Variants in LRIF1 observed in about 807,000 individuals in gnomAD.
LRIF1 encodes ligand dependent nuclear receptor interacting factor 1, also known as ligand-dependent nuclear receptor-interacting factor 1.
Under a neutral mutation model 52.7 loss-of-function variants are expected in LRIF1, and 32 were observed. The ratio of observed to expected loss-of-function variants is 0.61; its 90% confidence interval spans 0.46 to 0.82. The LOEUF is 0.82. Ranked by LOEUF, LRIF1 falls within the 40% of genes least tolerant of loss-of-function variation. The pLI, the probability that LRIF1 is intolerant of heterozygous loss-of-function variation, is 0.00. For missense variants in LRIF1, 887 were observed against 892.0 expected, an observed-to-expected ratio of 0.99 and a Z score of 0.07; for synonymous variants, 323 against 317.4, an observed-to-expected ratio of 1.02 and a Z score of -0.19.
chr1:110,951,420 G>T lies in LRIF1; in HGVS notation c.1464C>A (p.Ala488=), dbSNP rs755937608. ...AAATGACGGCTGTTACTTTTCTGGG[G>T]GCATTGTGTCCTGTACTAAATCCAA... ...FPVGFSTGHN[A]PRKVTAVIYA... is the part of the protein sequence containing the mutation. The change falls in exon 2 of 4, where the codon GCC becomes GCA. Residue 488 remains alanine (A), a synonymous_variant. Coordinates refer to ENST00000369763, the MANE Select transcript of LRIF1 (RefSeq NM_018372.4). The T allele has an allele frequency of 6.2e-7, 1 of 1,613,886 alleles. No homozygotes were observed. The highest frequency in any genetic ancestry group is 8.5e-7 in the Non-Finnish European group (1 of 1,179,988).
the LRIF1 span, among the ~76,000 whole-genome samples, chr1:110,928,604 T>C: frequency 2.0e-5 from 3 of 151,942 alleles, no homozygotes; most frequent in African/African-American, 7.2e-5. Context: ...ATAAGCGCTG[T>C]AGGAAAAAAT....
chr1:110,886,353 G>A, the LRIF1 span, among the ~76,000 whole-genome samples: 1 of 151,858 alleles, frequency 6.6e-6, no homozygotes, highest in Non-Finnish European at 1.5e-5. Context: ...CATGTTTCTT[G>A]TGCTTGGAGT....
At chr1:110,880,212 G>A in the LRIF1 span, 1 of 152,152 alleles carries the variant, frequency 6.6e-6, no homozygotes, top group Non-Finnish European at 1.5e-5. Context: ...CTAGATGGTA[G>A]TTGGAAGGGG....
At position 110,949,985 on chromosome 1, in the gene LRIF1, C is replaced by A; in HGVS notation, c.1735G>T (p.Asp579Tyr). The A allele has an allele frequency of 1.2e-6, 2 of 1,614,012 alleles. No individual in the cohort carries two copies. Among genetic ancestry groups the A allele is most frequent in the East Asian group, 4.5e-5 (2 of 44,880 alleles). Reference protein sequence around the residue: ...EFKKIFGLTKDLRVCLTRIPD... With the variant: ...EFKKIFGLTKYLRVCLTRIPD... ...ATTCGAGTAAGGCACACTCTCAAAT[C>A]CTTAGTAAGGCCAAATATCTTTTTA... The change falls in exon 3 of 4, where the codon GAT (aspartate) becomes TAT (tyrosine). Residue 579 changes from aspartate to tyrosine, a missense_variant. Asp to Tyr is a radical substitution (Grantham distance 160). Coordinates refer to ENST00000369763, the MANE Select transcript of LRIF1 (RefSeq NM_018372.4).
the LRIF1 span, chr1:110,941,630 GGTT>G: frequency 6.6e-6 from 1 of 151,980 alleles, no homozygotes; most frequent in Non-Finnish European, 1.5e-5. Context: ...GCTTAACTGT[GGTT>G]GTTATTCATT....
the LRIF1 span, among the ~76,000 whole-genome samples, chr1:110,895,354 A>G: frequency 9.2e-5 from 14 of 152,280 alleles, no homozygotes; most frequent in African/African-American, 3.4e-4. Context: ...ATTTTCCAAA[A>G]TTTTACTGAA....
chr1:110,912,469 C>T, the LRIF1 span, among the ~76,000 whole-genome samples: 1 of 152,160 alleles, frequency 6.6e-6, no homozygotes, highest in Non-Finnish European at 1.5e-5. Context: ...GCCTCAGCCT[C>T]CTGAAGGGCT....
the LRIF1 span, among the ~76,000 whole-genome samples, chr1:110,934,125 C>T: frequency 1.3e-5 from 2 of 152,166 alleles, no homozygotes; most frequent in African/African-American, 2.4e-5. Context: ...GGGAAGGACC[C>T]AGTCCTGGCA....
At chr1:110,905,445 C>T in the LRIF1 span, among the ~76,000 whole-genome samples, 386 of 152,106 alleles carry the variant, frequency 2.5e-3, 1 homozygote, top group African/African-American at 9.0e-3. Flanking sequence ...TAGCAGACTT[C>T]TCGGTGGAAA....
chr1:110,909,368 C>T, the LRIF1 span, among the ~76,000 whole-genome samples: 1 of 152,072 alleles, frequency 6.6e-6, no homozygotes, highest in African/African-American at 2.4e-5. Context: ...ATAAAATTCT[C>T]ACATATTAAT....
At chr1:110,944,541 T>C (rs910647377), downstream of LRIF1, 3 of 151,952 alleles carry the variant, frequency 2.0e-5, no homozygotes, top group Admixed American at 6.6e-5. Flanking sequence ...GTGGACTGAG[T>C]CCTCAGGTGT....
the LRIF1 span, among the ~76,000 whole-genome samples, chr1:110,895,597 C>G: frequency 6.6e-6 from 1 of 152,112 alleles, no homozygotes. Flanking sequence ...TATGAAAGCA[C>G]GCTGGCTTAG....
chr1:110,927,230 A>G, the LRIF1 span, among the ~76,000 whole-genome samples: 22 of 152,258 alleles, frequency 1.4e-4, 2 homozygotes, highest in African/African-American at 4.3e-4. Flanking sequence ...GAGGAGCAGA[A>G]TCACTAAAAT....
At position 110,948,000 on chromosome 1, in the gene LRIF1, C is replaced by T; in HGVS notation, c.2269G>A (p.Ala757Thr). Residue 757 changes from alanine (A) to threonine (T), a missense_variant, in exon 4 of 4, where the codon GCA becomes ACA. Physicochemically the swap from Ala to Thr is moderately conservative, Grantham distance 58. Transcript: ENST00000369763. ...TTCTTACGCATTTCTTCAAGAGCTG[C>T]TTCTTTCTCTCTCAGCACCTGCTTA... Reference protein sequence around the residue: ...RLKQVLREKEAALEEMRKKMH... With the variant: ...RLKQVLREKETALEEMRKKMH... The T allele has an allele frequency of 6.3e-7, 1 of 1,596,196 alleles. No homozygotes were observed. The highest frequency in any genetic ancestry group is 8.5e-7 in the Non-Finnish European group (1 of 1,173,124).
the LRIF1 span, among the ~76,000 whole-genome samples, chr1:110,889,646 T>C: frequency 6.6e-6 from 1 of 152,168 alleles, no homozygotes; most frequent in African/African-American, 2.4e-5. Context: ...TATGCCAGTC[T>C]GTGTGATAAG....
chr1:110,931,626 C>T, the LRIF1 span, among the ~76,000 whole-genome samples: 3 of 152,164 alleles, frequency 2.0e-5, no homozygotes, highest in African/African-American at 7.2e-5. Flanking sequence ...TCCTATTTCT[C>T]CACATCCTCT....
Position 110,948,350 on chromosome 1 carries a change from T to G in LRIF1, c.1919A>C (p.His640Pro). Reference sequence around the variant, plus strand: ...ATTCTCTGTTTTTCTCTTCTTTATGTGATCCATCTTCTTATTAGTTTTTGC... The same window carrying G: ...ATTCTCTGTTTTTCTCTTCTTTATGGGATCCATCTTCTTATTAGTTTTTGC... Reference protein sequence around the residue: ...RKAKTNKKMDHIKKRKTENAY... With the variant: ...RKAKTNKKMDPIKKRKTENAY... The change falls in exon 4 of 4, where the codon CAC becomes CCC. Residue 640 changes from histidine to proline, a missense_variant. By Grantham distance (77) the His-to-Pro change is moderately conservative. Transcript: ENST00000369763. The G allele has an allele frequency of 6.2e-7, 1 of 1,613,894 alleles. No homozygotes were observed. Among genetic ancestry groups the G allele is most frequent in the Non-Finnish European group, 8.5e-7 (1 of 1,179,884 alleles).
At chr1:110,889,982 G>A in the LRIF1 span, among the ~76,000 whole-genome samples, 1 of 152,172 alleles carries the variant, frequency 6.6e-6, no homozygotes, top group Non-Finnish European at 1.5e-5. Flanking sequence ...ATATGAGATA[G>A]ATACAAGTAT....
chr1:110,932,153 T>A, the LRIF1 span, among the ~76,000 whole-genome samples: 19 of 152,346 alleles, frequency 1.2e-4, no homozygotes, highest in South Asian at 3.9e-3. Context: ...TTTGAGTGAA[T>A]TTTTGAATAC....
Sources: allele counts gnomAD v4.1 joint callset (sites outside exome capture counted in the v4.1 genomes callset), GRCh38; gene constraint gnomAD v4.1.1; transcripts MANE v1.5; gene names NCBI Gene and HGNC (gene_info 2026-07-23, HGNC 2026-07-21).